RBFOX1: variants seen among roughly 807,000 people sequenced by gnomAD.
RBFOX1 encodes RNA binding protein fox-1 homolog 1.
RBFOX1 carries 8 observed loss-of-function variants against 57.7 expected under a neutral mutation model. That is an observed-to-expected ratio of 0.14 (90% CI 0.08 to 0.25). RBFOX1 has a LOEUF of 0.25. Ranked by LOEUF, RBFOX1 falls within the 10% of genes least tolerant of loss-of-function variation. RBFOX1 has a pLI of 1.00. For missense variants in RBFOX1, 611 were observed against 548.5 expected (o/e 1.11, Z -1.14); for synonymous variants, 326 against 222.4 (o/e 1.47, Z -4.15).
At chr16:6,351,560 G>A (rs1280320450) in intron 2 of RBFOX1, among the ~76,000 whole-genome samples, 1 of 151,622 alleles carries the variant, frequency 6.6e-6, no homozygotes, top group Non-Finnish European at 1.5e-5. Flanking sequence ...TTTTGGTAGA[G>A]ACAGGGTTTC....
At chr16:5,724,636 A>G (rs1279102834) in intron 3 of RBFOX1, among the ~76,000 whole-genome samples, 1 of 152,086 alleles carries the variant, frequency 6.6e-6, no homozygotes, top group Non-Finnish European at 1.5e-5. Flanking sequence ...TCCTATCAGC[A>G]TTGTCACTCT....
At chr16:7,190,868 T>A (rs184984881) in intron 4 of RBFOX1, among the ~76,000 whole-genome samples, 23 of 152,342 alleles carry the variant, frequency 1.5e-4, no homozygotes, top group Admixed American at 1.3e-3. Context: ...GATTGACTAT[T>A]CTTCAGAGGA....
Position 6,075,515 on chromosome 16 carries a change from G to A in RBFOX1, c.-127+55523G>A, listed in dbSNP as rs1291863934. On this transcript the variant is annotated intron_variant, in intron 1 of 15. Coordinates refer to ENST00000550418, the MANE Select transcript of RBFOX1 (RefSeq NM_018723.4). The stretch of plus-strand genomic sequence containing the variant: ...ATATACTGTGTACCTTATAATAATA[G>A]AACACAATCTGTTGTTTCTGAGATG... Among the ~76,000 whole-genome samples, 3 of 152,096 alleles carry A rather than the reference G, an allele frequency of 2.0e-5. No individual in the cohort carries two copies. The East Asian group carries it at 5.8e-4, about 29-fold the overall frequency.
At chr16:6,692,823 C>T (rs2060400484) in intron 3 of RBFOX1, among the ~76,000 whole-genome samples, 1 of 152,090 alleles carries the variant, frequency 6.6e-6, no homozygotes, top group African/African-American at 2.4e-5. Flanking sequence ...CCATCATCAT[C>T]AACATTATCT....
intron 2 of RBFOX1, among the ~76,000 whole-genome samples, chr16:6,609,272 G>C (rs41530250): frequency 6.6e-4 from 100 of 152,294 alleles, no homozygotes; most frequent in African/African-American, 2.4e-3. Flanking sequence ...TCTTAGCACA[G>C]TGGCTGGGTA....
chr16:7,012,682 C>A, intron 3 of RBFOX1, among the ~76,000 whole-genome samples: 1 of 152,134 alleles, frequency 6.6e-6, no homozygotes, highest in East Asian at 1.9e-4. Flanking sequence ...TTTAAGCTGA[C>A]TTTATCAGCA....
chr16:6,229,249 T>A (rs1468966878), intron 1 of RBFOX1, among the ~76,000 whole-genome samples: 1 of 152,128 alleles, frequency 6.6e-6, no homozygotes, highest in Admixed American at 6.5e-5. Context: ...AGAGCAAAAC[T>A]CAAAAGCAAA....
At chr16:6,593,928 C>A (rs909155420) in intron 2 of RBFOX1, among the ~76,000 whole-genome samples, 1 of 152,148 alleles carries the variant, frequency 6.6e-6, no homozygotes, top group Admixed American at 6.5e-5. Flanking sequence ...ATTGTAGACT[C>A]CACCCCAATG....
intron 3 of RBFOX1, among the ~76,000 whole-genome samples, chr16:6,818,900 C>A (rs1029912229): frequency 2.0e-5 from 3 of 152,210 alleles, no homozygotes; most frequent in Admixed American, 6.5e-5. Context: ...GAAAGAGACT[C>A]GATTTCCTCT....
At chr16:6,643,421 AGTTTT>A (rs111708867) in intron 2 of RBFOX1, among the ~76,000 whole-genome samples, 114,675 of 150,942 alleles carry the variant, frequency 0.76, 43,781 homozygotes, top group South Asian at 0.91. Flanking sequence ...TTTGTTTGTT[AGTTTT>A]GTTTTGTTTT....
At chr16:5,948,676 A>G (rs1439193114) in intron 4 of RBFOX1, among the ~76,000 whole-genome samples, 2 of 152,132 alleles carry the variant, frequency 1.3e-5, no homozygotes, top group Non-Finnish European at 2.9e-5. Context: ...AGCAACAAGA[A>G]ACCGGGAGGG....
intron 2 of RBFOX1, among the ~76,000 whole-genome samples, chr16:5,502,924 C>T (rs976327713): frequency 9.9e-5 from 15 of 152,226 alleles, no homozygotes; most frequent in Admixed American, 3.9e-4. Context: ...TGGACTCCCC[C>T]TGCAGAGGAA....
intron 3 of RBFOX1, among the ~76,000 whole-genome samples, chr16:5,645,075 A>G (rs2151340869): frequency 2.3e-5 from 1 of 43,760 alleles, no homozygotes; most frequent in African/African-American, 3.8e-5. Context: ...GTCTCTACTA[A>G]AAATACAAAA....
At chr16:6,188,332 G>GA (rs889069296) in intron 1 of RBFOX1, among the ~76,000 whole-genome samples, 23 of 95,952 alleles carry the variant, frequency 2.4e-4, no homozygotes, top group Admixed American at 2.5e-4. Context: ...TTTACCATGA[G>GA]AAAAAAAAAA....
chr16:6,397,391 G>A lies in RBFOX1; in HGVS notation c.-64+80334G>A, dbSNP rs190405251. On this transcript the variant is annotated intron_variant, in intron 2 of 15. Coordinates refer to ENST00000550418, the MANE Select transcript of RBFOX1 (RefSeq NM_018723.4). The stretch of plus-strand genomic sequence containing the variant: ...GGAAGCAAGAAGACAATATAATGAC[G>A]TCTTTTAATGGTTGACAAAGAAATC... Among the ~76,000 whole-genome samples, 7 of 152,160 alleles carry A rather than the reference G, an allele frequency of 4.6e-5. No individual in the cohort carries two copies. In the East Asian group the frequency reaches 5.8e-4, roughly 13 times the overall value.
intron 2 of RBFOX1, among the ~76,000 whole-genome samples, chr16:6,563,773 C>T (rs539712131): frequency 6.6e-6 from 1 of 151,822 alleles, no homozygotes; most frequent in African/African-American, 2.4e-5. Flanking sequence ...TTGCAGTGAG[C>T]TGAGACTGAG....
intron 10 of RBFOX1, among the ~76,000 whole-genome samples, chr16:7,624,645 A>G (rs955500547): frequency 1.3e-5 from 2 of 152,224 alleles, no homozygotes; most frequent in Non-Finnish European, 2.9e-5. Context: ...CTAGAGGCAG[A>G]GGGACTAATA....
chr16:5,913,693 C>G (rs1030323448), intron 4 of RBFOX1, among the ~76,000 whole-genome samples: 6 of 152,212 alleles, frequency 3.9e-5, no homozygotes, highest in African/African-American at 1.2e-4. Flanking sequence ...CAGGCTAACA[C>G]AGGTGTATCA....
At chr16:7,374,846 T>C (rs533625427) in intron 4 of RBFOX1, among the ~76,000 whole-genome samples, 3 of 152,152 alleles carry the variant, frequency 2.0e-5, no homozygotes, top group Non-Finnish European at 4.4e-5. Flanking sequence ...TATTTTGAAA[T>C]AGGTGGTGAT....
Sources: allele counts gnomAD v4.1 joint callset (sites outside exome capture counted in the v4.1 genomes callset), GRCh38; gene constraint gnomAD v4.1.1; transcripts MANE v1.5; gene names NCBI Gene and HGNC (gene_info 2026-07-23, HGNC 2026-07-21).